Variants in ICA1L observed in about 807,000 individuals in gnomAD.
The protein encoded by ICA1L is islet cell autoantigen 1-like protein.
In ICA1L, 50 loss-of-function variants were observed where a neutral mutation model predicts 61.3. That is an observed-to-expected ratio of 0.82 (90% CI 0.65 to 1.03). The LOEUF (loss-of-function observed/expected upper bound fraction) is 1.03, where lower values mean the gene tolerates loss of function less well. Ranked by LOEUF, ICA1L falls within the 50% of genes least tolerant of loss-of-function variation. The probability of loss-of-function intolerance (pLI) is 0.00; values close to 1 mark genes in which losing one functional copy is unlikely to be tolerated. For synonymous variants in ICA1L, 161 were observed against 191.3 expected, an observed-to-expected ratio of 0.84 and a Z score of 1.31; for missense variants, 508 against 556.7, an observed-to-expected ratio of 0.91 and a Z score of 0.88.
At chr2:202,871,471 C>T (rs1287915497) in intron 1 of ICA1L, 148 bp downstream of exon 1, 1 of 150,848 alleles carries the variant, frequency 6.6e-6, no homozygotes, top group Non-Finnish European at 1.5e-5. Flanking sequence ...CAGCAAGGCC[C>T]CGAGAAGCCG....
intron 9 of ICA1L, among the ~76,000 whole-genome samples, chr2:202,802,559 A>G (rs915192023): frequency 1.3e-5 from 2 of 152,162 alleles, no homozygotes; most frequent in African/African-American, 2.4e-5. Flanking sequence ...GTACTGAAAG[A>G]GCAGAATACC....
At position 202,778,800 on chromosome 2, in the gene ICA1L, G is replaced by C. The variant is rs1333445216; in HGVS notation, c.*733C>G. ...TGTGCATTCTGAGTTTTAGGAGATG[G>C]GAAGATAGATTTTTCTGTTTCTGCA... On this transcript the variant is annotated 3_prime_UTR_variant, in exon 13 of 13. Transcript: ENST00000358299. 6.6e-6 allele frequency: 1 copy of C among 152,586 alleles called. No individual in the cohort carries two copies. The highest frequency in any genetic ancestry group is 1.5e-5 in the Non-Finnish European group (1 of 68,026). The allele number at this position is 152,586 out of a possible 1,614,324, so 9.5% of individuals were successfully genotyped here.
chr2:202,799,524 C>T (rs1383600634), intron 9 of ICA1L, among the ~76,000 whole-genome samples: 1 of 152,080 alleles, frequency 6.6e-6, no homozygotes, highest in Non-Finnish European at 1.5e-5. Context: ...TAGTCCCGTG[C>T]TGGAAGAACA....
intron 1 of ICA1L, among the ~76,000 whole-genome samples, chr2:202,854,374 G>A (rs908744102): frequency 3.9e-5 from 6 of 152,276 alleles, no homozygotes; most frequent in Non-Finnish European, 8.8e-5. Flanking sequence ...CAATACAGGA[G>A]CACCCAGATT....
chr2:202,816,121 A>C, intron 6 of ICA1L, 112 bp from the exon 7 acceptor site: 1 of 602,164 alleles, frequency 1.7e-6, no homozygotes, highest in Middle Eastern at 2.6e-4. Context: ...AATAAGAAGC[A>C]GGAACTAAAT....
chr2:202,785,581 G>A (rs1418939955), intron 12 of ICA1L, among the ~76,000 whole-genome samples: 1 of 151,996 alleles, frequency 6.6e-6, no homozygotes, highest in East Asian at 1.9e-4. Flanking sequence ...CACCATGCTT[G>A]GCTAATTTTT....
chr2:202,819,610 CA>C, intron 5 of ICA1L, 90 bp downstream of exon 5: 12 of 1,042,110 alleles, frequency 1.2e-5, no homozygotes, highest in African/African-American at 1.6e-5. Context: ...ATATATTTAC[CA>C]AAAAACATCT....
chr2:202,825,934 G>A (rs1318377574), intron 2 of ICA1L, among the ~76,000 whole-genome samples, 167 bp from the exon 3 acceptor site: 2 of 152,110 alleles, frequency 1.3e-5, no homozygotes, highest in Non-Finnish European at 2.9e-5. Context: ...TACTTCCGAT[G>A]TAGAAAGCAC....
At chr2:202,805,074 T>G (rs986502904) in intron 9 of ICA1L, among the ~76,000 whole-genome samples, 3 of 152,146 alleles carry the variant, frequency 2.0e-5, no homozygotes, top group African/African-American at 7.2e-5. Flanking sequence ...TGGATGAACC[T>G]CAAAAGCATT....
Position 202,777,072 on chromosome 2 carries a change from T to TTTTG in ICA1L, c.*2460_*2461insCAAA, listed in dbSNP as rs1491538072. On this transcript the variant is annotated 3_prime_UTR_variant, in exon 13 of 13. Coordinates refer to ENST00000358299, the MANE Select transcript of ICA1L (RefSeq NM_001288622.3). ...TTTTTTTTTTTTTTTTTTTTTTTTT[T>TTTTG]GAGAGAGTCGCTCTCTGTTGCCCAG... 3 of 102,070 alleles carry TTTTG rather than the reference T, an allele frequency of 2.9e-5. No homozygotes were observed. In the Admixed American group the frequency reaches 3.4e-4, roughly 11 times the overall value. The allele number at this position is 102,070 out of a possible 1,614,324, so 6.3% of individuals were successfully genotyped here.
chr2:202,792,013 C>A (rs573292552), intron 10 of ICA1L, among the ~76,000 whole-genome samples: 1 of 151,840 alleles, frequency 6.6e-6, no homozygotes, highest in African/African-American at 2.4e-5. Flanking sequence ...ACTAAAAATA[C>A]AAAAATTAGC....
At chr2:202,820,002 T>A in intron 4 of ICA1L, 103 bp from the exon 5 acceptor site, 1 of 840,462 alleles carries the variant, frequency 1.2e-6, no homozygotes. Context: ...AAGATGAATC[T>A]ACAAGTAAAA....
intron 11 of ICA1L, among the ~76,000 whole-genome samples, chr2:202,788,301 G>T (rs1242038091): frequency 2.6e-5 from 4 of 152,154 alleles, no homozygotes; most frequent in Admixed American, 6.5e-5. Context: ...TTGAGGCAGA[G>T]AGGAGTGGGA....
intron 1 of ICA1L, among the ~76,000 whole-genome samples, chr2:202,839,100 G>A (rs1285497392): frequency 2.0e-5 from 3 of 152,008 alleles, no homozygotes; most frequent in Middle Eastern, 3.2e-3. Flanking sequence ...AAACCATATC[G>A]GTGTACTGCA....
chr2:202,828,881 C>T lies in ICA1L; in HGVS notation c.129G>A (p.Val43=). 1 of 1,614,050 alleles carries T rather than the reference C, an allele frequency of 6.2e-7. No homozygotes were observed. The highest frequency in any genetic ancestry group is 8.5e-7 in the Non-Finnish European group (1 of 1,179,980). The change falls in exon 2 of 13, where the codon GTG becomes GTA. Residue 43 remains valine, a synonymous_variant. Coordinates refer to ENST00000358299, the MANE Select transcript of ICA1L (RefSeq NM_001288622.3). ...TAGCATCCAGTTCAGCATCAGACGC[C>T]ACCAAGTGCTCATCCTCTTTTTTTC... ...ATGKKEDEHL[V]ASDAELDAKL...
At chr2:202,796,798 CCAGA>C (rs1484905489) in intron 10 of ICA1L, 88 bp downstream of exon 10, 3 of 707,310 alleles carry the variant, frequency 4.2e-6, no homozygotes, top group Non-Finnish European at 6.8e-6. Flanking sequence ...ATGTAGAGAC[CCAGA>C]CAGTTTCTAA....
In ICA1L at chr2:202,789,050, T is replaced by A. The variant is rs1692670898; in HGVS notation, c.1023A>T (p.Glu341Asp). Residue 341 changes from glutamate (E) to aspartate (D), a missense_variant, in exon 11 of 13, where the codon GAA becomes GAT. Physicochemically the swap from Glu to Asp is conservative, Grantham distance 45 (BLOSUM62 2). Coordinates refer to ENST00000358299, the MANE Select transcript of ICA1L (RefSeq NM_001288622.3). ...KDLPVDSLEGEDFEKEFSFLN... is the reference protein window; with the variant it reads ...KDLPVDSLEGDDFEKEFSFLN... ...GAAATGAGAATTCCTTCTCAAAATC[T>A]TCTCCTTCCAATGAATCTACAGGTA... The A allele has an allele frequency of 5.0e-6, 8 of 1,612,850 alleles. No individual in the cohort carries two copies. Among genetic ancestry groups the A allele is most frequent in the Non-Finnish European group, 6.8e-6 (8 of 1,179,224 alleles).
chr2:202,828,974 A>C lies in ICA1L; in HGVS notation c.36T>G (p.Asn12Lys). 6.2e-7 allele frequency: 1 copy of C among 1,604,146 alleles called. No homozygotes were observed. The highest frequency in any genetic ancestry group is 8.5e-7 in the Non-Finnish European group (1 of 1,175,528). ...TTTGCATTCTTCTGACTACTGACTG[A>C]TTATCTTCTGGTCTGGGTTGCCCAA... ...DSFGQPRPED[N>K]QSVVRRMQKK... Residue 12 changes from asparagine to lysine, a missense_variant, in exon 2 of 13, where the codon AAT (asparagine) becomes AAG (lysine). Asn to Lys is a moderately conservative substitution (Grantham distance 94). Coordinates refer to ENST00000358299, the MANE Select transcript of ICA1L (RefSeq NM_001288622.3).
chr2:202,850,902 A>G lies in ICA1L; in HGVS notation c.-8+20717T>C, dbSNP rs144892713. 3.8e-3 allele frequency among the ~76,000 whole-genome samples: 584 copies of G among 152,306 alleles called. 1 individual carries two copies. Among genetic ancestry groups the G allele is most frequent in the Non-Finnish European group, 6.1e-3 (415 of 68,026 alleles). On this transcript the variant is annotated intron_variant, in intron 1 of 12. Transcript: ENST00000358299. ...GGGAGCAAGAGAGAAAGGTCAGGTT[A>G]CCGACAAAGGGAAGTCCATCACACT... is the stretch of plus-strand genomic sequence containing the variant.
Sources: gnomAD v4.1 joint callset for allele counts (sites outside exome capture counted in the v4.1 genomes callset) on GRCh38, gnomAD v4.1.1 for gene constraint, MANE v1.5 for transcripts, NCBI Gene and HGNC (gene_info 2026-07-23, HGNC 2026-07-21) for gene names.